Variants in SAMD5 observed in about 807,000 individuals in gnomAD.
SAMD5 encodes the protein sterile alpha motif domain-containing protein 5.
SAMD5 carries 13 observed loss-of-function variants against 11.3 expected under a neutral mutation model. The ratio of observed to expected loss-of-function variants is 1.15; its 90% confidence interval spans 0.75 to 1.83. The LOEUF (loss-of-function observed/expected upper bound fraction) is 1.83. Ranked by LOEUF, SAMD5 falls within the 40% of genes most tolerant of loss-of-function variation. The probability of loss-of-function intolerance (pLI) is 0.00; values close to 1 mark genes in which losing one functional copy is unlikely to be tolerated. For missense variants in SAMD5, 255 were observed against 239.1 expected, an observed-to-expected ratio of 1.07 and a Z score of -0.44; for synonymous variants, 129 against 111.3, an observed-to-expected ratio of 1.16 and a Z score of -1.00.
the SAMD5 span, among the ~76,000 whole-genome samples, chr6:147,814,558 G>A: frequency 6.6e-6 from 1 of 152,076 alleles, no homozygotes; most frequent in Non-Finnish European, 1.5e-5. Context: ...TCTCACTGGG[G>A]GAGGAGAGCT....
intron 1 of SAMD5, among the ~76,000 whole-genome samples, chr6:147,523,340 C>T (rs995105146): frequency 2.0e-5 from 3 of 152,042 alleles, no homozygotes; most frequent in Admixed American, 6.6e-5. Context: ...ATTGAAACAT[C>T]AAATAGGTGG....
In SAMD5 at chr6:147,568,037, T is replaced by C; in HGVS notation, c.*3581T>C. On this transcript the variant is annotated 3_prime_UTR_variant, in exon 2 of 2. Coordinates refer to ENST00000367474, the MANE Select transcript of SAMD5 (RefSeq NM_001030060.3). Reference sequence around the variant, plus strand: ...GGTATTTCATTAGCTTTCTTCTCTTTATGGCAGCTTCAGATTGATGAATTT... The same window carrying C: ...GGTATTTCATTAGCTTTCTTCTCTTCATGGCAGCTTCAGATTGATGAATTT... 1.0e-6 allele frequency: 1 copy of C among 985,416 alleles called. No individual in the cohort carries two copies. Among genetic ancestry groups the C allele is most frequent in the Non-Finnish European group, 1.2e-6 (1 of 829,918 alleles). 61.0% of individuals were successfully genotyped at this position (985,416 alleles called of 1,614,324 possible).
At chr6:147,734,443 G>A (rs73016177) in intron 1 of SAMD5, among the ~76,000 whole-genome samples, 2 of 152,172 alleles carry the variant, frequency 1.3e-5, no homozygotes, top group Non-Finnish European at 2.9e-5. Context: ...CAGACCGGGC[G>A]TGGTGGCTCA....
At chr6:147,909,628 C>CTT in the SAMD5 span, among the ~76,000 whole-genome samples, 155 of 55,168 alleles carry the variant, frequency 2.8e-3, 18 homozygotes, top group African/African-American at 0.018. Flanking sequence ...TTCTTTCTTT[C>CTT]TTTCTCTTTC....
At chr6:147,593,556 T>C (rs1789487082) in intron 1 of SAMD5, among the ~76,000 whole-genome samples, 1 of 152,206 alleles carries the variant, frequency 6.6e-6, no homozygotes, top group African/African-American at 2.4e-5. Context: ...AGCTGTGTAT[T>C]GAAGTGTTAG....
At chr6:147,825,465 T>G in the SAMD5 span, among the ~76,000 whole-genome samples, 2 of 152,248 alleles carry the variant, frequency 1.3e-5, no homozygotes, top group Non-Finnish European at 2.9e-5. Context: ...CTTAATTTGG[T>G]TCTTGGCATA....
chr6:147,730,240 A>G (rs1352132206), intron 1 of SAMD5: 6 of 368,792 alleles, frequency 1.6e-5, no homozygotes, highest in African/African-American at 8.5e-5. Context: ...GATTTTGAGC[A>G]AAGATATGAA....
the SAMD5 span, among the ~76,000 whole-genome samples, chr6:147,939,800 A>T: frequency 6.7e-6 from 1 of 149,784 alleles, no homozygotes; most frequent in Non-Finnish European, 1.5e-5. Flanking sequence ...GTTCTATGAG[A>T]TACCCCAGCA....
intron 1 of SAMD5, among the ~76,000 whole-genome samples, chr6:147,596,605 T>C (rs961432778): frequency 6.6e-6 from 1 of 152,218 alleles, no homozygotes; most frequent in Non-Finnish European, 1.5e-5. Context: ...AGCACTCCAG[T>C]AGTTCTCTTT....
Position 147,731,992 on chromosome 6 carries a change from G to A in SAMD5, c.163-5325G>A, listed in dbSNP as rs555839413. On this transcript the variant is annotated intron_variant, in intron 1 of 1. Transcript: ENST00000566741. The stretch of plus-strand genomic sequence containing the variant: ...GGAAGTAGAAAACAAGGCTTTTGAT[G>A]ACTGGAAAACTCACACAACTAAATG... 1.5e-4 allele frequency among the ~76,000 whole-genome samples: 23 copies of A among 152,236 alleles called. 1 individual carries two copies. In the South Asian group the frequency reaches 4.4e-3, roughly 29 times the overall value.
intron 1 of SAMD5, among the ~76,000 whole-genome samples, chr6:147,529,580 T>A (rs1202069324): frequency 6.6e-6 from 1 of 152,192 alleles, no homozygotes; most frequent in Non-Finnish European, 1.5e-5. Flanking sequence ...GACAACCTCA[T>A]AGGAAGCCTT....
chr6:147,697,658 G>A (rs1374198105), intron 1 of SAMD5, among the ~76,000 whole-genome samples: 1 of 152,126 alleles, frequency 6.6e-6, no homozygotes, highest in Non-Finnish European at 1.5e-5. Context: ...ATATAGCAAG[G>A]AAGAAATGTA....
the SAMD5 span, among the ~76,000 whole-genome samples, chr6:147,857,385 T>C: frequency 2.0e-5 from 3 of 151,358 alleles, no homozygotes; most frequent in African/African-American, 7.3e-5. Flanking sequence ...CATGTGTATG[T>C]AGTCCTAGCT....
chr6:147,899,189 A>AAAAAAAAAAAAAAG, the SAMD5 span, among the ~76,000 whole-genome samples: 192 of 123,390 alleles, frequency 1.6e-3, 20 homozygotes, highest in African/African-American at 6.5e-3. Flanking sequence ...AAAAAAAAAA[A>AAAAAAAAAAAAAAG]AAAAGATAAC....
the SAMD5 span, among the ~76,000 whole-genome samples, chr6:147,923,729 C>T: frequency 2.6e-5 from 4 of 152,156 alleles, no homozygotes; most frequent in Non-Finnish European, 5.9e-5. Flanking sequence ...CAGAATTGTA[C>T]TTGAAGTCTG....
the SAMD5 span, among the ~76,000 whole-genome samples, chr6:147,764,856 T>A: frequency 2.0e-5 from 3 of 152,214 alleles, no homozygotes; most frequent in African/African-American, 7.2e-5. Context: ...CATTAAATTA[T>A]TAGCTGATGG....
At chr6:147,562,638 C>T (rs1441893261) in intron 1 of SAMD5, among the ~76,000 whole-genome samples, 3 of 151,960 alleles carry the variant, frequency 2.0e-5, no homozygotes, top group East Asian at 3.9e-4. Flanking sequence ...CTGGCTAACA[C>T]GGTGAAACTC....
At chr6:147,637,132 C>A (rs1790242004) in intron 1 of SAMD5, among the ~76,000 whole-genome samples, 1 of 152,144 alleles carries the variant, frequency 6.6e-6, no homozygotes, top group Admixed American at 6.5e-5. Flanking sequence ...TGTTAGATGG[C>A]CGCCATTCTC....
intron 1 of SAMD5, among the ~76,000 whole-genome samples, chr6:147,649,529 C>A (rs967799997): frequency 6.6e-6 from 1 of 152,200 alleles, no homozygotes; most frequent in Non-Finnish European, 1.5e-5. Flanking sequence ...TAGTGGCTCA[C>A]ACCTCTAATC....
Sources: gnomAD v4.1 joint callset for allele counts (sites outside exome capture counted in the v4.1 genomes callset) on GRCh38, gnomAD v4.1.1 for gene constraint, MANE v1.5 for transcripts, NCBI Gene and HGNC (gene_info 2026-07-23, HGNC 2026-07-21) for gene names.